Variants in RIN3 observed in about 807,000 individuals in gnomAD.
The protein encoded by RIN3 is Ras and Rab interactor 3.
In RIN3, 54 loss-of-function variants were observed where a neutral mutation model predicts 76.3. The observed-to-expected ratio is 0.71, with a 90% confidence interval of 0.57 to 0.89. The LOEUF (loss-of-function observed/expected upper bound fraction) is 0.89, where lower values mean the gene tolerates loss of function less well. Ranked by LOEUF, RIN3 falls within the 40% of genes least tolerant of loss-of-function variation. The pLI, the probability that RIN3 is intolerant of heterozygous loss-of-function variation, is 0.00. For synonymous variants in RIN3, 576 were observed against 564.0 expected, an observed-to-expected ratio of 1.02 and a Z score of -0.30; for missense variants, 1,256 against 1,322.1, an observed-to-expected ratio of 0.95 and a Z score of 0.78.
intron 1 of RIN3, among the ~76,000 whole-genome samples, chr14:92,534,377 C>T (rs761958173): frequency 1.9e-4 from 29 of 151,130 alleles, no homozygotes; most frequent in Non-Finnish European, 3.8e-4. Context: ...GTCAGGAGTT[C>T]GAAACCAGCC....
intron 2 of RIN3, among the ~76,000 whole-genome samples, chr14:92,558,318 CAGCCCAGGTGATGGAGTGA>C (rs1897659466): frequency 6.6e-6 from 1 of 152,120 alleles, no homozygotes; most frequent in South Asian, 2.1e-4. Context: ...CACTGTACTC[CAGCCCAGGTGATGGAGTGA>C]GACTCTGTCC....
At chr14:92,588,930 C>T (rs919265455) in intron 3 of RIN3, among the ~76,000 whole-genome samples, 5 of 152,160 alleles carry the variant, frequency 3.3e-5, no homozygotes, top group Admixed American at 2.6e-4. Context: ...CAGTCATTAG[C>T]CCATGAAGTG....
chr14:92,516,146 T>A (rs1406911611), intron 1 of RIN3, among the ~76,000 whole-genome samples: 1 of 152,124 alleles, frequency 6.6e-6, no homozygotes, highest in East Asian at 1.9e-4. Context: ...ATATTAAAGG[T>A]CTGCTTAAGA....
chr14:92,641,408 G>A, intron 5 of RIN3, 79 bp downstream of exon 5: 2 of 1,073,266 alleles, frequency 1.9e-6, no homozygotes, highest in Non-Finnish European at 1.4e-6. Flanking sequence ...GGGGCCGCCT[G>A]TGCAGAGGGA....
chr14:92,545,172 C>T (rs1595402641), intron 1 of RIN3, among the ~76,000 whole-genome samples: 1 of 139,696 alleles, frequency 7.2e-6, no homozygotes, highest in Admixed American at 7.8e-5. Context: ...TGCAGTGGCA[C>T]AGTCTCCACT....
chr14:92,681,734 G>T lies in RIN3; in HGVS notation c.2468-3253G>T, dbSNP rs1425378574. 6.6e-6 allele frequency among the ~76,000 whole-genome samples: 1 copy of T among 152,148 alleles called. No individual in the cohort carries two copies. Among genetic ancestry groups the T allele is most frequent in the Non-Finnish European group, 1.5e-5 (1 of 68,026 alleles). ...TGGACTTGGGGCAGCAAGGGCTGGG[G>T]GCACCAGAGCCGACTTCCTGGCCTG... On this transcript the variant is annotated intron_variant, in intron 8 of 9. Coordinates refer to ENST00000216487, the MANE Select transcript of RIN3 (RefSeq NM_024832.5). This position sits in a 1 kb window ranked among gnomAD's most constrained non-coding sequence, Gnocchi z 4.7.
rs1401738277 is a variant in RIN3, at chr14:92,641,180, AG to A, written c.441-56del. 3.5e-5 allele frequency: 46 copies of A among 1,319,200 alleles called. 1 individual carries two copies. Among genetic ancestry groups the A allele is most frequent in the Non-Finnish European group, 4.1e-5 (37 of 911,712 alleles). The allele number at this position is 1,319,200 out of a possible 1,614,324, so 81.7% of individuals were successfully genotyped here. A position where few individuals can be genotyped will look rare whatever the true frequency, so the allele number is the denominator to read the frequency against. On this transcript the variant is annotated intron_variant, in intron 4 of 9. Coordinates refer to ENST00000216487, the MANE Select transcript of RIN3 (RefSeq NM_024832.5). ...GATTGCCAGGGCTCTTCCTTTGTGGAGGCTGGGAATGGACACGGTGGACCCA... is the reference window on the plus strand; with the variant it reads ...GATTGCCAGGGCTCTTCCTTTGTGGAGCTGGGAATGGACACGGTGGACCCA...
At chr14:92,618,906 T>A (rs1886069440) in intron 4 of RIN3, among the ~76,000 whole-genome samples, 1 of 152,224 alleles carries the variant, frequency 6.6e-6, no homozygotes, top group Admixed American at 6.5e-5. Flanking sequence ...TGGTTCTCCA[T>A]GAGGCCATGC....
chr14:92,549,664 C>T (rs1205383183), intron 1 of RIN3, among the ~76,000 whole-genome samples: 1 of 152,204 alleles, frequency 6.6e-6, no homozygotes, highest in African/African-American at 2.4e-5. Flanking sequence ...GTGAGAAAAT[C>T]CCCATAGAAG....
At position 92,514,255 on chromosome 14, in the gene RIN3, G is replaced by T. The variant is rs1022584335; in HGVS notation, c.44+279G>T. 1.3e-5 allele frequency among the ~76,000 whole-genome samples: 2 copies of T among 152,324 alleles called. No homozygotes were observed. Among genetic ancestry groups the T allele is most frequent in the South Asian group, 4.1e-4 (2 of 4,832 alleles). ...TTTAGGCTGCTGGTGGACGGATTAC[G>T]AGGGAGTGCGTCGCTACCTGTCAGC... is the stretch of plus-strand genomic sequence containing the variant. On this transcript the variant is annotated intron_variant, in intron 1 of 9. Coordinates refer to ENST00000216487, the MANE Select transcript of RIN3 (RefSeq NM_024832.5). This position sits in a 1 kb window ranked among gnomAD's most constrained non-coding sequence, Gnocchi z 7.2.
At chr14:92,638,648 T>C (rs1279775643) in intron 4 of RIN3, among the ~76,000 whole-genome samples, 2 of 152,116 alleles carry the variant, frequency 1.3e-5, no homozygotes, top group African/African-American at 4.8e-5. Flanking sequence ...TTGGGATGAA[T>C]GTTGCCACCC....
chr14:92,566,878 A>C (rs750894223), intron 2 of RIN3, among the ~76,000 whole-genome samples: 1 of 152,102 alleles, frequency 6.6e-6, no homozygotes, highest in Non-Finnish European at 1.5e-5. Flanking sequence ...TCTCATCTGC[A>C]TGGAGGGTGT....
chr14:92,578,144 A>G lies in RIN3; in HGVS notation c.367+667A>G, dbSNP rs537223345. ...CCAGCTACTTGGGAGGCTGAGGTGG[A>G]AGATTGGCTTGAGCCAGGGAGAGTG... On this transcript the variant is annotated intron_variant, in intron 3 of 9. Transcript: ENST00000216487. Among the ~76,000 whole-genome samples the G allele has an allele frequency of 2.4e-4, 36 of 151,954 alleles. No individual in the cohort carries two copies. The East Asian group carries it at 7.0e-3, about 29-fold the overall frequency.
In RIN3 at chr14:92,652,530, C is replaced by G. The variant is rs938453022; in HGVS notation, c.1481C>G (p.Thr494Arg). 21 of 1,613,658 alleles carry G rather than the reference C, an allele frequency of 1.3e-5. No individual in the cohort carries two copies. Among genetic ancestry groups the G allele is most frequent in the Non-Finnish European group, 1.8e-5 (21 of 1,179,964 alleles). ...CTQAMALETP[T>R]PGPPREGQSP... ...CAGGCGATGGCCTTGGAGACACCCA[C>G]GCCGGGTCCACCCAGAGAGGGCCAA... is the stretch of plus-strand genomic sequence containing the variant. The change falls in exon 6 of 10, where the codon ACG becomes AGG. Residue 494 changes from threonine (T) to arginine (R), a missense_variant. Physicochemically the swap from Thr to Arg is moderately conservative, Grantham distance 71 (BLOSUM62 -1). Coordinates refer to ENST00000216487, the MANE Select transcript of RIN3 (RefSeq NM_024832.5). This position sits in a 1 kb window ranked among gnomAD's most constrained non-coding sequence, Gnocchi z 6.4.
At chr14:92,599,868 G>A (rs1206228951) in intron 3 of RIN3, among the ~76,000 whole-genome samples, 1 of 152,200 alleles carries the variant, frequency 6.6e-6, no homozygotes, top group Non-Finnish European at 1.5e-5. Context: ...TGGGATTTGA[G>A]TTAGATGACC....
Position 92,615,288 on chromosome 14 carries a change from C to G in RIN3, c.368-119C>G, listed in dbSNP as rs1000784389. The G allele has an allele frequency of 3.7e-6, 3 of 810,748 alleles. No homozygotes were observed. The South Asian group carries it at 4.3e-5, about 12-fold the overall frequency. 50.2% of individuals were successfully genotyped at this position (810,748 alleles called of 1,614,324 possible). The stretch of plus-strand genomic sequence containing the variant: ...TGTATGGGGGCCGCATGCAGCCCAG[C>G]ATGGGACCCAGAATGTGTGCAGCAG... On this transcript the variant is annotated intron_variant, in intron 3 of 9. Transcript: ENST00000216487.
intron 4 of RIN3, 136 bp downstream of exon 4, chr14:92,615,615 G>C (rs1218206148): frequency 1.4e-6 from 1 of 729,400 alleles, no homozygotes; most frequent in East Asian, 2.5e-5. Context: ...AGAGGGCACA[G>C]GCCCCTCTGG....
At chr14:92,517,012 T>G (rs1896461103) in intron 1 of RIN3, among the ~76,000 whole-genome samples, 1 of 152,148 alleles carries the variant, frequency 6.6e-6, no homozygotes, top group Non-Finnish European at 1.5e-5. Context: ...TCTGAGGTGG[T>G]CTGTGGTGCC....
chr14:92,537,618 G>C (rs1346535963), intron 1 of RIN3, among the ~76,000 whole-genome samples: 1 of 137,890 alleles, frequency 7.3e-6, no homozygotes, highest in Admixed American at 7.8e-5. Context: ...CCAGCTATAA[G>C]TGAGTGCCTT....
Sources: gnomAD v4.1 joint callset for allele counts (sites outside exome capture counted in the v4.1 genomes callset) on GRCh38, gnomAD v4.1.1 for gene constraint, Gnocchi (gnomAD v3.1) non-coding constraint, MANE v1.5 for transcripts, NCBI Gene and HGNC (gene_info 2026-07-23, HGNC 2026-07-21) for gene names.